ADGRL3: variants seen among roughly 807,000 people sequenced by gnomAD.
ADGRL3 encodes calcium-independent alpha-latrotoxin receptor 3.
ADGRL3 carries 62 observed loss-of-function variants against 153.5 expected under a neutral mutation model. That is an observed-to-expected ratio of 0.40 (90% CI 0.33 to 0.50). The LOEUF is 0.50. Ranked by LOEUF, ADGRL3 falls within the 20% of genes least tolerant of loss-of-function variation. The probability of loss-of-function intolerance (pLI) is 0.47; values close to 1 mark genes in which losing one functional copy is unlikely to be tolerated. For missense variants in ADGRL3, 1,641 were observed against 1,859.4 expected, an observed-to-expected ratio of 0.88 and a Z score of 2.16; for synonymous variants, 710 against 672.5, an observed-to-expected ratio of 1.06 and a Z score of -0.86.
intron 24 of ADGRL3, among the ~76,000 whole-genome samples, chr4:62,040,763 G>A (rs1727840197): frequency 6.6e-6 from 1 of 152,042 alleles, no homozygotes; most frequent in Non-Finnish European, 1.5e-5. Context: ...AATATCAAAT[G>A]GGAGAGCTGA....
chr4:61,769,144 C>T (rs1329693826), intron 8 of ADGRL3, among the ~76,000 whole-genome samples: 27 of 152,162 alleles, frequency 1.8e-4, no homozygotes, highest in African/African-American at 5.8e-4. Flanking sequence ...ACCCTTGAAA[C>T]GTGAGTGTAT....
intron 9 of ADGRL3, among the ~76,000 whole-genome samples, chr4:61,885,359 C>T (rs1390469040): frequency 6.6e-6 from 1 of 152,002 alleles, no homozygotes; most frequent in Non-Finnish European, 1.5e-5. Context: ...TAAATAAAAA[C>T]AGTGGGTCTC....
intron 5 of ADGRL3, among the ~76,000 whole-genome samples, chr4:61,631,084 A>G (rs1462102430): frequency 6.6e-6 from 1 of 152,064 alleles, no homozygotes; most frequent in Non-Finnish European, 1.5e-5. Context: ...GTTACCTTTC[A>G]CTGTTCCTTC....
intron 5 of ADGRL3, among the ~76,000 whole-genome samples, chr4:61,635,177 G>C (rs528351561): frequency 3.4e-4 from 51 of 152,224 alleles, no homozygotes; most frequent in African/African-American, 9.9e-4. Context: ...TCCCATCATA[G>C]GTACATATGC....
chr4:62,026,310 G>A lies in ADGRL3; in HGVS notation c.3396-2545G>A, dbSNP rs545118643. On this transcript the variant is annotated intron_variant, in intron 21 of 26. Coordinates refer to ENST00000683033, the MANE Select transcript of ADGRL3 (RefSeq NM_001387552.1). ...CTGCATCACTTTCTTCTAGTCAAAG[G>A]ACAGCAGCAAATTGTAAAGAGGAGA... Among the ~76,000 whole-genome samples the A allele has an allele frequency of 1.1e-4, 17 of 152,098 alleles. No homozygotes were observed. In the East Asian group the frequency reaches 2.3e-3, roughly 21 times the overall value.
At chr4:61,751,785 C>T (rs59372045) in intron 8 of ADGRL3, among the ~76,000 whole-genome samples, 13,214 of 151,744 alleles carry the variant, frequency 0.087, 1,215 homozygotes, top group African/African-American at 0.23. Flanking sequence ...GACATTCAGA[C>T]GTATTGCTAA....
chr4:61,914,672 C>T (rs1270722955), intron 13 of ADGRL3, among the ~76,000 whole-genome samples: 1 of 152,016 alleles, frequency 6.6e-6, no homozygotes, highest in African/African-American at 2.4e-5. Flanking sequence ...TTCATTTATG[C>T]CTTTCCAATG....
intron 4 of ADGRL3, among the ~76,000 whole-genome samples, chr4:61,550,415 C>A (rs1353015137): frequency 1.3e-5 from 2 of 151,904 alleles, no homozygotes; most frequent in Non-Finnish European, 1.5e-5. Context: ...CAATTTTGAA[C>A]TTGTTTACTT....
At chr4:61,662,067 C>A (rs1482632612) in intron 5 of ADGRL3, among the ~76,000 whole-genome samples, 1 of 152,190 alleles carries the variant, frequency 6.6e-6, no homozygotes, top group Non-Finnish European at 1.5e-5. Context: ...CAGCTACAGT[C>A]GGGGAGGCAA....
chr4:61,635,029 T>C (rs2093354592), intron 5 of ADGRL3, among the ~76,000 whole-genome samples: 1 of 152,056 alleles, frequency 6.6e-6, no homozygotes, highest in African/African-American at 2.4e-5. Context: ...AGCAAATCTT[T>C]TAAGGAGCAG....
At chr4:61,856,950 C>CTCTTTCTTTCTTTCTTTCTT (rs55713412) in intron 9 of ADGRL3, among the ~76,000 whole-genome samples, 33 of 57,000 alleles carry the variant, frequency 5.8e-4, no homozygotes, top group East Asian at 1.8e-3. Flanking sequence ...CTTTCTTCTT[C>CTCTTTCTTTCTTTCTTTCTT]TCTTTCTTTC....
chr4:61,495,572 T>G (rs371409251), intron 2 of ADGRL3, among the ~76,000 whole-genome samples: 113 of 152,046 alleles, frequency 7.4e-4, no homozygotes, highest in Admixed American at 4.1e-3. Context: ...TTGTGCTTGA[T>G]TGATCAGTTT....
At chr4:61,695,014 T>C (rs2095614657) in intron 6 of ADGRL3, among the ~76,000 whole-genome samples, 1 of 152,218 alleles carries the variant, frequency 6.6e-6, no homozygotes, top group Non-Finnish European at 1.5e-5. Flanking sequence ...TCTAGTTCTA[T>C]TACTTCTCTT....
intron 9 of ADGRL3, among the ~76,000 whole-genome samples, chr4:61,889,856 T>C (rs561129670): frequency 4.6e-4 from 70 of 152,324 alleles, no homozygotes; most frequent in African/African-American, 1.6e-3. Context: ...TAGTTTGTCA[T>C]AGTGAAAATG....
At position 61,979,783 on chromosome 4, in the gene ADGRL3, T is replaced by C; in HGVS notation, c.3015+11T>C. On this transcript the variant is annotated intron_variant, in intron 18 of 26. Coordinates refer to ENST00000683033, the MANE Select transcript of ADGRL3 (RefSeq NM_001387552.1). ...CGAACTGACCAACCAGTAAGCAACC[T>C]ACATTGATACCAGTGAAGAATTTTT... The C allele has an allele frequency of 6.2e-7, 1 of 1,604,668 alleles. No homozygotes were observed.
rs1293273637 is a variant in ADGRL3, at chr4:62,077,757, A to G, written c.*6849A>G. 6.6e-6 allele frequency: 1 copy of G among 151,996 alleles called. No individual in the cohort carries two copies. Among genetic ancestry groups the G allele is most frequent in the Non-Finnish European group, 1.5e-5 (1 of 67,876 alleles). The allele number at this position is 151,996 out of a possible 1,614,324, so 9.4% of individuals were successfully genotyped here. A position where few individuals can be genotyped will look rare whatever the true frequency, so the allele number is the denominator to read the frequency against. On this transcript the variant is annotated 3_prime_UTR_variant, in exon 27 of 27. Transcript: ENST00000683033. ...AAAAAAACATTTAAATTTGGTTTTCATGACTCATTTGAGAATAAAGATTTC... is the reference window on the plus strand; with the variant it reads ...AAAAAAACATTTAAATTTGGTTTTCGTGACTCATTTGAGAATAAAGATTTC...
intron 2 of ADGRL3, among the ~76,000 whole-genome samples, chr4:61,466,082 T>G (rs1429939627): frequency 6.6e-6 from 1 of 151,794 alleles, no homozygotes; most frequent in Non-Finnish European, 1.5e-5. Flanking sequence ...AGAGTGCCAT[T>G]GCACTCCAGC....
At chr4:62,028,821 G>T in intron 21 of ADGRL3, 34 bp from the exon 22 acceptor site, 1 of 1,574,986 alleles carries the variant, frequency 6.3e-7, no homozygotes, top group East Asian at 2.3e-5. Context: ...TGCTAATGTT[G>T]GTGTTCTTGT....
Position 61,745,806 on chromosome 4 carries a change from G to A in ADGRL3, c.1399+12252G>A, listed in dbSNP as rs559455670. 1.2e-4 allele frequency among the ~76,000 whole-genome samples: 18 copies of A among 152,138 alleles called. No homozygotes were observed. The East Asian group carries it at 1.7e-3, about 15-fold the overall frequency. ...CTAGGAATAAACTGCATCAACTCAC[G>A]AGCAAAATAACCAGCTAACATCATA... On this transcript the variant is annotated intron_variant, in intron 8 of 26. Coordinates refer to ENST00000683033, the MANE Select transcript of ADGRL3 (RefSeq NM_001387552.1).
Sources: gnomAD v4.1 joint callset for allele counts (sites outside exome capture counted in the v4.1 genomes callset) on GRCh38, gnomAD v4.1.1 for gene constraint, MANE v1.5 for transcripts, NCBI Gene and HGNC (gene_info 2026-07-23, HGNC 2026-07-21) for gene names.